The following IL1R1 variants were observed in gnomAD, a reference collection of about 807,000 sequenced individuals.
IL1R1 encodes the protein interleukin-1 receptor type 1.
In IL1R1, 22 loss-of-function variants were observed where a neutral mutation model predicts 50.2. That is an observed-to-expected ratio of 0.44 (90% confidence interval 0.31 to 0.63). The LOEUF is 0.63. IL1R1 is among the 20% of genes least tolerant of loss of function. IL1R1 has a pLI of 0.07. For missense variants in IL1R1, 509 were observed against 676.2 expected (o/e 0.75, Z 2.74); for synonymous variants, 251 against 236.7 (o/e 1.06, Z -0.55).
chr2:102,175,382 G>C, intron 10 of IL1R1, 96 bp from the exon 11 acceptor site: 1 of 915,102 alleles, frequency 1.1e-6, no homozygotes, highest in Admixed American at 2.0e-5. Flanking sequence ...AAAAAAAGAT[G>C]AATAGTTCAT....
chr2:102,072,064 C>A (rs1559446684), intron 1 of IL1R1, among the ~76,000 whole-genome samples: 2 of 151,966 alleles, frequency 1.3e-5, no homozygotes, highest in Non-Finnish European at 2.9e-5. Context: ...TCGAGACCAC[C>A]CTGGCTGACA....
At chr2:102,139,080 G>C (rs989276027), upstream of IL1R1, among the ~76,000 whole-genome samples, 3 of 152,106 alleles carry the variant, frequency 2.0e-5, no homozygotes, top group Non-Finnish European at 2.9e-5. Flanking sequence ...GAGTTCTTTG[G>C]GGGTGGTGGG....
At chr2:102,156,678 A>G (rs1463306170) in intron 2 of IL1R1, among the ~76,000 whole-genome samples, 5 of 151,890 alleles carry the variant, frequency 3.3e-5, no homozygotes, top group Admixed American at 6.6e-5. Context: ...CACCCAGCTA[A>G]TTTTTGTACT....
chr2:102,147,327 T>A (rs1056537326), intron 1 of IL1R1, among the ~76,000 whole-genome samples: 1 of 152,190 alleles, frequency 6.6e-6, no homozygotes, highest in Non-Finnish European at 1.5e-5. Context: ...GAAGGCTTAG[T>A]CCTCTGAAAC....
intron 1 of IL1R1, among the ~76,000 whole-genome samples, chr2:102,089,562 G>A (rs999325475): frequency 1.3e-5 from 2 of 152,138 alleles, no homozygotes; most frequent in East Asian, 1.9e-4. Flanking sequence ...AGCTGATAGA[G>A]CCAGATGCAT....
chr2:102,080,705 A>G (rs1679166846), intron 1 of IL1R1, among the ~76,000 whole-genome samples: 1 of 152,172 alleles, frequency 6.6e-6, no homozygotes, highest in African/African-American at 2.4e-5. Flanking sequence ...CAGCAATTCC[A>G]CTCCTAGGTA....
rs967051402 is a variant in IL1R1, at chr2:102,075,484, A to T, written c.-84+4951A>T. On this transcript the variant is annotated intron_variant, in intron 1 of 11. Transcript: ENST00000409929. ...GAGAAATAAAATTTAAATGTTAAAGAGGTGATTACCAGTTATTTGAAAAAA... is the reference window on the plus strand; with the variant it reads ...GAGAAATAAAATTTAAATGTTAAAGTGGTGATTACCAGTTATTTGAAAAAA... 5.3e-5 allele frequency among the ~76,000 whole-genome samples: 8 copies of T among 152,228 alleles called. 1 individual carries two copies. In the East Asian group the frequency reaches 1.5e-3, roughly 29 times the overall value.
chr2:102,120,428 C>A (rs535301177), intron 1 of IL1R1, among the ~76,000 whole-genome samples: 230 of 152,212 alleles, frequency 1.5e-3, no homozygotes, highest in Non-Finnish European at 2.8e-3. Flanking sequence ...AAGTACCTGG[C>A]ATGTATTTTA....
intron 1 of IL1R1, among the ~76,000 whole-genome samples, chr2:102,117,348 G>A (rs1290194804): frequency 6.6e-6 from 1 of 152,192 alleles, no homozygotes; most frequent in African/African-American, 2.4e-5. Context: ...GAAGCTGACA[G>A]AACACAGCTG....
chr2:102,113,536 C>T (rs1350476915), intron 1 of IL1R1, among the ~76,000 whole-genome samples: 2 of 152,180 alleles, frequency 1.3e-5, no homozygotes, highest in Non-Finnish European at 2.9e-5. Flanking sequence ...GATGTGGCTT[C>T]CCTCATTCTA....
chr2:102,165,996 A>T, intron 5 of IL1R1, 117 bp from the exon 6 acceptor site: 2 of 815,500 alleles, frequency 2.5e-6, no homozygotes, highest in East Asian at 2.6e-5. Flanking sequence ...GAACTTTTCC[A>T]GTCACTTTCT....
chr2:102,088,297 C>T (rs1161674232), intron 1 of IL1R1, among the ~76,000 whole-genome samples: 1 of 152,130 alleles, frequency 6.6e-6, no homozygotes, highest in African/African-American at 2.4e-5. Context: ...TCAAAATTAC[C>T]TCTTGATCCA....
intron 1 of IL1R1, among the ~76,000 whole-genome samples, chr2:102,120,249 G>A (rs957794146): frequency 6.6e-6 from 1 of 152,146 alleles, no homozygotes; most frequent in Non-Finnish European, 1.5e-5. Context: ...ATGAACGTGT[G>A]TGTGGGTTTT....
Position 102,176,764 on chromosome 2 carries a change from G to T in IL1R1, c.*5G>T. 2 of 1,611,724 alleles carry T rather than the reference G, an allele frequency of 1.2e-6. No individual in the cohort carries two copies. The highest frequency in any genetic ancestry group is 1.7e-6 in the Non-Finnish European group (2 of 1,178,202). Reference sequence around the variant, plus strand: ...GCTCACGTGCCTCTCGGGTAGCATGGAGAAGTTGCCAAGAGTTCTTTAGGT... The same window carrying T: ...GCTCACGTGCCTCTCGGGTAGCATGTAGAAGTTGCCAAGAGTTCTTTAGGT... On this transcript the variant is annotated 3_prime_UTR_variant, in exon 12 of 12. Coordinates refer to ENST00000410023, the MANE Select transcript of IL1R1 (RefSeq NM_000877.4).
At chr2:102,170,026 CT>C in intron 7 of IL1R1, among the ~76,000 whole-genome samples, 1 of 152,304 alleles carries the variant, frequency 6.6e-6, no homozygotes, top group African/African-American at 2.4e-5. Context: ...TTGAAAATGC[CT>C]GCCCTAGAAG....
intron 1 of IL1R1, among the ~76,000 whole-genome samples, chr2:102,149,053 C>T (rs1018505450): frequency 6.6e-6 from 1 of 152,158 alleles, no homozygotes; most frequent in Non-Finnish European, 1.5e-5. Flanking sequence ...CATGTTTCCA[C>T]CGATTTTCAG....
intron 1 of IL1R1, among the ~76,000 whole-genome samples, chr2:102,112,605 G>A (rs1680834339): frequency 6.6e-6 from 1 of 152,252 alleles, no homozygotes; most frequent in South Asian, 2.1e-4. Flanking sequence ...ATGGGATGGG[G>A]GTTGTCAAGG....
intron 1 of IL1R1, among the ~76,000 whole-genome samples, chr2:102,090,408 A>C (rs148842854): frequency 0.014 from 2,146 of 152,162 alleles, 56 homozygotes; most frequent in South Asian, 0.13. Flanking sequence ...GTTGCTTCTG[A>C]TTTGCTCTTT....
chr2:102,166,233 T>A lies in IL1R1; in HGVS notation c.607T>A (p.Leu203Met), dbSNP rs777727636. Reference protein sequence around the residue: ...NYTCHASYTYLGKQYPITRVI... With the variant: ...NYTCHASYTYMGKQYPITRVI... ...TACTTGTCATGCATCCTACACATAC[T>A]TGGGCAAGCAATATCCTATTACCCG... is the stretch of plus-strand genomic sequence containing the variant. Residue 203 changes from leucine to methionine, a missense_variant, in exon 6 of 12, where the codon TTG (leucine) becomes ATG (methionine). Leu to Met is a conservative substitution (Grantham distance 15). Transcript: ENST00000410023. The A allele has an allele frequency of 6.2e-7, 1 of 1,613,852 alleles. No homozygotes were observed. The highest frequency in any genetic ancestry group is 1.1e-5 in the South Asian group (1 of 91,060).
Sources: allele counts gnomAD v4.1 joint callset (sites outside exome capture counted in the v4.1 genomes callset), GRCh38; gene constraint gnomAD v4.1.1; transcripts MANE v1.5; gene names NCBI Gene and HGNC (gene_info 2026-07-23, HGNC 2026-07-21).